The following SLC23A3 variants were observed in gnomAD, a reference collection of about 807,000 sequenced individuals.
The protein encoded by SLC23A3 is solute carrier family 23 member 3, also known as E2-binding protein 3.
A neutral mutation model predicts 64.7 loss-of-function variants in SLC23A3; 41 were observed. The observed-to-expected ratio is 0.63, with a 90% CI of 0.49 to 0.82. SLC23A3 has a LOEUF of 0.82. Among genes scored for constraint, SLC23A3 ranks in the 40% least tolerant of loss-of-function variants. SLC23A3 has a pLI of 0.00. For synonymous variants in SLC23A3, 281 were observed against 306.8 expected (o/e 0.92, Z 0.88); for missense variants, 647 against 733.4 (o/e 0.88, Z 1.36).
At chr2:219,168,379 G>A in intron 5 of SLC23A3, 61 bp from the exon 6 acceptor site, 2 of 1,495,762 alleles carry the variant, frequency 1.3e-6, no homozygotes, top group Admixed American at 2.3e-5. Context: ...TGGGAAAGGA[G>A]GTGGGAGTGG....
intron 8 of SLC23A3, 126 bp from the exon 9 acceptor site, chr2:219,164,464 G>C (rs966361717): frequency 3.8e-5 from 25 of 659,880 alleles, no homozygotes; most frequent in Non-Finnish European, 6.2e-5. Context: ...AAGCCTTCCT[G>C]GCCAGTCTAT....
At position 219,162,485 on chromosome 2, in the gene SLC23A3, G is replaced by A. The variant is rs1020273561; in HGVS notation, c.1442-91C>T. 46 of 852,880 alleles carry A rather than the reference G, an allele frequency of 5.4e-5. No homozygotes were observed. In the African/African-American group the frequency reaches 7.1e-4, roughly 13 times the overall value. The allele number at this position is 852,880 out of a possible 1,614,324, so 52.8% of individuals were successfully genotyped here. The stretch of plus-strand genomic sequence containing the variant: ...CCTCCCAGACCTAAACCTAAGCCTT[G>A]GACTAAGGACAGATCTTTCTGAATT... On this transcript the variant is annotated intron_variant, in intron 10 of 11. Coordinates refer to ENST00000409878, the MANE Select transcript of SLC23A3 (RefSeq NM_001144889.2).
At chr2:219,162,738 C>T (rs1054595756) in intron 10 of SLC23A3, among the ~76,000 whole-genome samples, 1 of 152,180 alleles carries the variant, frequency 6.6e-6, no homozygotes, top group Non-Finnish European at 1.5e-5. Context: ...CAACCTCAGT[C>T]CTACTGACAT....
intron 7 of SLC23A3, among the ~76,000 whole-genome samples, 188 bp downstream of exon 7, chr2:219,167,738 TCAAA>T (rs967593414): frequency 6.1e-4 from 93 of 152,138 alleles, no homozygotes; most frequent in African/African-American, 2.0e-3. Flanking sequence ...AGACCCTGTC[TCAAA>T]CAAACAAACA....
chr2:219,163,329 A>C, intron 10 of SLC23A3, 59 bp downstream of exon 10: 1 of 1,562,002 alleles, frequency 6.4e-7, no homozygotes, highest in Non-Finnish European at 8.7e-7. Flanking sequence ...GAGTCCGGGC[A>C]GCCTGAAGCC....
In SLC23A3 at chr2:219,163,375, C is replaced by G. The variant is rs750362082; in HGVS notation, c.1441+13G>C. The stretch of plus-strand genomic sequence containing the variant: ...TTCCTGCTACTGAGCAACGCCTCTT[C>G]CCTTCCACCTACCTGTGCTGAACAG... On this transcript the variant is annotated intron_variant, in intron 10 of 11. Coordinates refer to ENST00000409878, the MANE Select transcript of SLC23A3 (RefSeq NM_001144889.2). 2.5e-6 allele frequency: 4 copies of G among 1,611,700 alleles called. No individual in the cohort carries two copies. The highest frequency in any genetic ancestry group is 3.4e-6 in the Non-Finnish European group (4 of 1,178,148).
rs1218190675 is a variant in SLC23A3 at position 219,162,773 on chromosome 2, G to T, written c.1442-379C>A. Among the ~76,000 whole-genome samples the T allele has an allele frequency of 1.3e-5, 2 of 152,066 alleles. 1 individual carries two copies. Among genetic ancestry groups the T allele is most frequent in the African/African-American group, 4.8e-5 (2 of 41,388 alleles). On this transcript the variant is annotated intron_variant, in intron 10 of 11. Coordinates refer to ENST00000409878, the MANE Select transcript of SLC23A3 (RefSeq NM_001144889.2). ...TCTTGGACCAGATAATTCTTTGTTG[G>T]GGGTGGTGGTGCAGGGGGGATGTCC...
At chr2:219,168,527 C>T in intron 5 of SLC23A3, 125 bp downstream of exon 5, 1 of 1,166,302 alleles carries the variant, frequency 8.6e-7, no homozygotes. Flanking sequence ...TCTTGGATTC[C>T]AAATATAAAA....
In SLC23A3 at chr2:219,169,097, G is replaced by C; in HGVS notation, c.424C>G (p.Leu142Val). ...RAIQTPGNSSLMLHLCRGPSC... is the reference protein window; with the variant it reads ...RAIQTPGNSSVMLHLCRGPSC... The stretch of plus-strand genomic sequence containing the variant: ...GGTCCCCTACAAAGGTGCAGCATGA[G>C]GGAGGCTAGGAAAAGTTTGGGGCAT... The change falls in exon 4 of 12, where the codon CTC becomes GTC. Residue 142 changes from leucine (L) to valine (V), a missense_variant. Leu to Val is a conservative substitution (Grantham distance 32). Transcript: ENST00000409878. This position sits in a 1 kb window ranked among gnomAD's most constrained non-coding sequence, Gnocchi z 4.5. The C allele has an allele frequency of 6.2e-7, 1 of 1,614,072 alleles. No individual in the cohort carries two copies. The highest frequency in any genetic ancestry group is 1.3e-5 in the African/African-American group (1 of 75,040).
intron 9 of SLC23A3, among the ~76,000 whole-genome samples, chr2:219,163,835 G>C (rs1007104542): frequency 6.6e-6 from 1 of 152,090 alleles, no homozygotes. Flanking sequence ...CCGAGTAGCT[G>C]GGATTACAGG....
chr2:219,169,352 C>T lies in SLC23A3; in HGVS notation c.375G>A (p.Leu125=), dbSNP rs1344090615. Residue 125 remains leucine, a synonymous_variant, in exon 3 of 12, where the codon CTG becomes CTA. Coordinates refer to ENST00000409878, the MANE Select transcript of SLC23A3 (RefSeq NM_001144889.2). This position sits in a 1 kb window ranked among gnomAD's most constrained non-coding sequence, Gnocchi z 4.5. ...TGGCCCGGGGTAGCTTCTGGCTGGT[C>T]AGCACCAGAGCAGGGATAAGGAACT... is the stretch of plus-strand genomic sequence containing the variant. ...SLEFLIPALV[L]TSQKLPRAIQ... 5 of 1,614,042 alleles carry T rather than the reference C, an allele frequency of 3.1e-6. No homozygotes were observed. Among genetic ancestry groups the T allele is most frequent in the Admixed American group, 1.7e-5 (1 of 60,000 alleles).
rs757360370 is a variant in SLC23A3, at chr2:219,167,964, G to T, written c.879C>A (p.Pro293=). ...GCAGCCAAATCCATGGTGCCTTGGTGGGGGCAGACAGTTCCTGGGGGATAA... is the reference window on the plus strand; with the variant it reads ...GCAGCCAAATCCATGGTGCCTTGGTTGGGGCAGACAGTTCCTGGGGGATAA... ...FSVIPQELSA[P]TKAPWIWLPH... Residue 293 remains proline, a synonymous_variant, in exon 7 of 12, where the codon CCC becomes CCA. Transcript: ENST00000409878. 3.2e-6 allele frequency: 5 copies of T among 1,584,478 alleles called. No individual in the cohort carries two copies. The highest frequency in any genetic ancestry group is 4.3e-6 in the Non-Finnish European group (5 of 1,172,016).
rs746970633 is a variant in SLC23A3, at chr2:219,162,222, G to A, written c.1538-18C>T. 6.2e-7 allele frequency: 1 copy of A among 1,611,342 alleles called. No individual in the cohort carries two copies. The highest frequency in any genetic ancestry group is 8.5e-7 in the Non-Finnish European group (1 of 1,177,878). On this transcript the variant is annotated intron_variant, in intron 11 of 11. Coordinates refer to ENST00000409878, the MANE Select transcript of SLC23A3 (RefSeq NM_001144889.2). ...CTGTGTGCCTGCAAAAGAGAGGTTT[G>A]TCAGGCTATTGCCCATCCCAGGGAG...
rs1950043963 is a variant in SLC23A3, at chr2:219,169,855, G to A, written c.130C>T (p.Pro44Ser). 3.7e-6 allele frequency: 6 copies of A among 1,603,730 alleles called. No individual in the cohort carries two copies. Among genetic ancestry groups the A allele is most frequent in the Non-Finnish European group, 5.1e-6 (6 of 1,175,708 alleles). The change falls in exon 1 of 12, where the codon CCT becomes TCT. Residue 44 changes from proline (P) to serine (S), a missense_variant. Physicochemically the swap from Pro to Ser is moderately conservative, Grantham distance 74. Transcript: ENST00000409878. The surrounding 1 kb of genome is among the most constrained non-coding windows in gnomAD (Gnocchi z 4.5). ...GCCAGAAGACAGCTGAGGCCCCAAGGCAGAGATCCACACAAAGGGTCCCAA... is the reference window on the plus strand; with the variant it reads ...GCCAGAAGACAGCTGAGGCCCCAAGACAGAGATCCACACAAAGGGTCCCAA... The part of the protein sequence containing the change: ...HSWDPLCGSL[P>S]WGLSCLLALQ...
At chr2:219,163,646 G>A in intron 9 of SLC23A3, 91 bp from the exon 10 acceptor site, 1 of 1,212,756 alleles carries the variant, frequency 8.2e-7, no homozygotes, top group Non-Finnish European at 1.2e-6. Context: ...GTTGTAATGG[G>A]AAACAAATAA....
In SLC23A3 at chr2:219,162,184, G is replaced by C. The variant is rs369825969; in HGVS notation, c.1558C>G (p.Leu520Val). Residue 520 changes from leucine to valine, a missense_variant, in exon 12 of 12, where the codon CTA (leucine) becomes GTA (valine). By Grantham distance (32) the Leu-to-Val change is conservative (BLOSUM62 1). Transcript: ENST00000409878. ...TIPGTQLERG[L>V]GQGLPSPFTA... ...AAAGGAGATGGTAGCCCTTGACCTA[G>C]GCCTCGCTCAAGCTGTGTGCCTGCA... 3 of 1,611,386 alleles carry C rather than the reference G, an allele frequency of 1.9e-6. No homozygotes were observed. The highest frequency in any genetic ancestry group is 2.7e-5 in the African/African-American group (2 of 74,986).
chr2:219,169,417 A>G lies in SLC23A3; in HGVS notation c.321-11T>C, dbSNP rs766932566. The G allele has an allele frequency of 6.2e-7, 1 of 1,614,180 alleles. No individual in the cohort carries two copies. The highest frequency in any genetic ancestry group is 8.5e-7 in the Non-Finnish European group (1 of 1,180,010). ...TGGACAAGAGGCAGCCTGTAGGAAC[A>G]GCAGCCCCAGCAGGTCTGGGACTAT... On this transcript the variant is annotated splice_polypyrimidine_tract_variant and intron_variant, in intron 2 of 11. Coordinates refer to ENST00000409878, the MANE Select transcript of SLC23A3 (RefSeq NM_001144889.2). This position sits in a 1 kb window ranked among gnomAD's most constrained non-coding sequence, Gnocchi z 4.5.
chr2:219,163,492 G>A lies in SLC23A3; in HGVS notation c.1337C>T (p.Ala446Val). ...GATATTTCGCCCAGAGTCTATGTCAGCCAGGTAGAAGCTGGAGAATCCAGC... is the reference window on the plus strand; with the variant it reads ...GATATTTCGCCCAGAGTCTATGTCAACCAGGTAGAAGCTGGAGAATCCAGC... Reference protein sequence around the residue: ...LSAGFSSFYLADIDSGRNIFI... With the variant: ...LSAGFSSFYLVDIDSGRNIFI... Residue 446 changes from alanine (A) to valine (V), a missense_variant, in exon 10 of 12, where the codon GCT (alanine) becomes GTT (valine). Ala to Val is a moderately conservative substitution (Grantham distance 64). Coordinates refer to ENST00000409878, the MANE Select transcript of SLC23A3 (RefSeq NM_001144889.2). 6.2e-7 allele frequency: 1 copy of A among 1,614,182 alleles called. No individual in the cohort carries two copies. Among genetic ancestry groups the A allele is most frequent in the Non-Finnish European group, 8.5e-7 (1 of 1,180,038 alleles).
chr2:219,169,592 A>G lies in SLC23A3; in HGVS notation c.249T>C (p.Pro83=). 1.2e-6 allele frequency: 2 copies of G among 1,614,234 alleles called. No individual in the cohort carries two copies. The highest frequency in any genetic ancestry group is 1.7e-6 in the Non-Finnish European group (2 of 1,180,040). Residue 83 remains proline (P), a synonymous_variant, in exon 2 of 12, where the codon CCT becomes CCC. Coordinates refer to ENST00000409878, the MANE Select transcript of SLC23A3 (RefSeq NM_001144889.2). The surrounding 1 kb of genome is among the most constrained non-coding windows in gnomAD (Gnocchi z 4.5). The stretch of plus-strand genomic sequence containing the variant: ...AGAAGCTGGAGGCCAGGAGCTGAGA[A>G]GGGGAGTAAGAGAGTCCTCCTGGGG... ...SLSPGGLSYS[P]SQLLASSFFS...
Sources: gnomAD v4.1 joint callset for allele counts (sites outside exome capture counted in the v4.1 genomes callset) on GRCh38, gnomAD v4.1.1 for gene constraint, Gnocchi (gnomAD v3.1) non-coding constraint, MANE v1.5 for transcripts, NCBI Gene and HGNC (gene_info 2026-07-23, HGNC 2026-07-21) for gene names.